Variants in FSIP2 observed in about 807,000 individuals in gnomAD.
The protein encoded by FSIP2 is fibrous sheath-interacting protein 2.
FSIP2 carries 367 observed loss-of-function variants against 510.5 expected under a neutral mutation model. That is an observed-to-expected ratio of 0.72 (90% CI 0.66 to 0.78). FSIP2 has a LOEUF of 0.78. Among genes scored for constraint, FSIP2 ranks in the 30% least tolerant of loss-of-function variants. The pLI is 0.00. For missense variants in FSIP2, 7,594 were observed against 7,901.7 expected, an observed-to-expected ratio of 0.96 and a Z score of 1.48; for synonymous variants, 2,601 against 2,732.2, an observed-to-expected ratio of 0.95 and a Z score of 1.50.
rs942681537 is a variant in FSIP2, at chr2:185,805,449, T to A, written c.16143T>A (p.Ile5381=). The A allele has an allele frequency of 6.2e-7, 1 of 1,611,004 alleles. No homozygotes were observed. Among genetic ancestry groups the A allele is most frequent in the African/African-American group, 1.3e-5 (1 of 74,870 alleles). ...AAAGTAACATTGCTATAGGGATGAT[T>A]GCTGCTCTAACCCAGAAGGCAATAT... The part of the protein sequence containing the change: ...GDESNIAIGM[I]AALTQKAISA... Residue 5381 remains isoleucine (I), a synonymous_variant, in exon 17 of 23, where the codon ATT becomes ATA. Transcript: ENST00000424728.
chr2:185,739,016 G>A, intron 1 of FSIP2, 23 bp downstream of exon 1: 1 of 1,526,488 alleles, frequency 6.6e-7, no homozygotes, highest in Non-Finnish European at 8.7e-7. Flanking sequence ...AAGCTGGGCG[G>A]CGTCGCCCTC....
In FSIP2 at chr2:185,790,738, C is replaced by T. The variant is rs774442832; in HGVS notation, c.3602C>T (p.Ser1201Phe). 5 of 1,532,862 alleles carry T rather than the reference C, an allele frequency of 3.3e-6. No individual in the cohort carries two copies. In the South Asian group the frequency reaches 6.0e-5, roughly 18 times the overall value. 95.0% of individuals were successfully genotyped at this position (1,532,862 alleles called of 1,614,324 possible). A position where few individuals can be genotyped will look rare whatever the true frequency, so the allele number is the denominator to read the frequency against. The stretch of plus-strand genomic sequence containing the variant: ...ATTTCATCATCAGTTCATCAGATTT[C>T]CTTACATAATTCTGACACTGAACAC... ...SSISSSVHQI[S>F]LHNSDTEHIV... The change falls in exon 16 of 23, where the codon TCC becomes TTC. Residue 1201 changes from serine to phenylalanine, a missense_variant. Ser to Phe is a radical substitution (Grantham distance 155). Transcript: ENST00000424728.
At chr2:185,768,226 C>T (rs1355470376) in intron 13 of FSIP2, among the ~76,000 whole-genome samples, 1 of 151,968 alleles carries the variant, frequency 6.6e-6, no homozygotes, top group Non-Finnish European at 1.5e-5. Context: ...AGGTTGCTTT[C>T]TCACTTTATT....
intron 19 of FSIP2, among the ~76,000 whole-genome samples, chr2:185,815,833 G>A (rs1457865824): frequency 6.6e-6 from 1 of 152,028 alleles, no homozygotes; most frequent in Non-Finnish European, 1.5e-5. Context: ...GCTCTCTTAA[G>A]AAAGCTACTG....
At position 185,797,300 on chromosome 2, in the gene FSIP2, A is replaced by C; in HGVS notation, c.10164A>C (p.Lys3388Asn). The C allele has an allele frequency of 1.3e-6, 2 of 1,532,546 alleles. No individual in the cohort carries two copies. The highest frequency in any genetic ancestry group is 1.7e-6 in the Non-Finnish European group (2 of 1,145,684). The allele number at this position is 1,532,546 out of a possible 1,614,324, so 94.9% of individuals were successfully genotyped here. A position where few individuals can be genotyped will look rare whatever the true frequency, so the allele number is the denominator to read the frequency against. ...GTTTGCTTAGAATGCAGGATAAAAA[A>C]ATCAACTATATACCTGAGGAAGAAA... is the stretch of plus-strand genomic sequence containing the variant. ...EKSLLRMQDK[K>N]INYIPEEENE... The change falls in exon 16 of 23, where the codon AAA becomes AAC. Residue 3388 changes from lysine (K) to asparagine (N), a missense_variant. Lys to Asn is a moderately conservative substitution (Grantham distance 94). Coordinates refer to ENST00000424728, the MANE Select transcript of FSIP2 (RefSeq NM_173651.4).
chr2:185,790,479 A>G lies in FSIP2; in HGVS notation c.3343A>G (p.Lys1115Glu). The G allele has an allele frequency of 6.5e-7, 1 of 1,534,178 alleles. No individual in the cohort carries two copies. Among genetic ancestry groups the G allele is most frequent in the Non-Finnish European group, 8.7e-7 (1 of 1,145,582 alleles). Reference protein sequence around the residue: ...ASENIVTSILKEMLKDISSVP... With the variant: ...ASENIVTSILEEMLKDISSVP... ...AGAAAACATAGTCACAAGTATTTTA[A>G]AGGAAATGCTCAAGGACATATCTTC... Residue 1115 changes from lysine (K) to glutamate (E), a missense_variant, in exon 16 of 23, where the codon AAG (lysine) becomes GAG (glutamate). Physicochemically the swap from Lys to Glu is moderately conservative, Grantham distance 56. Coordinates refer to ENST00000424728, the MANE Select transcript of FSIP2 (RefSeq NM_173651.4).
Position 185,799,914 on chromosome 2 carries a change from C to G in FSIP2, c.10608C>G (p.Ser3536Arg), listed in dbSNP as rs1440111275. ...GGGAAATTCAAGAAGCAACATTTAG[C>G]AAGATTATTTCAATTCATTCTCAAG... is the stretch of plus-strand genomic sequence containing the variant. ...KAWEIQEATF[S>R]KIISIHSQVF... Residue 3536 changes from serine (S) to arginine (R), a missense_variant, in exon 17 of 23, where the codon AGC becomes AGG. Transcript: ENST00000424728. 1 of 1,533,810 alleles carries G rather than the reference C, an allele frequency of 6.5e-7. No homozygotes were observed. The highest frequency in any genetic ancestry group is 2.0e-5 in the Admixed American group (1 of 50,846).
rs900365689 is a variant in FSIP2 at position 185,808,931 on chromosome 2, C to G, written c.19625C>G (p.Ala6542Gly). ...IDPKIISEHLAVISIKTQPLE... is the reference protein window; with the variant it reads ...IDPKIISEHLGVISIKTQPLE... ...CCAAAAATTATTTCAGAACACTTAG[C>G]AGTTATTTCTATAAAAACTCAACCT... Residue 6542 changes from alanine (A) to glycine (G), a missense_variant, in exon 17 of 23, where the codon GCA (alanine) becomes GGA (glycine). Coordinates refer to ENST00000424728, the MANE Select transcript of FSIP2 (RefSeq NM_173651.4). 1.2e-6 allele frequency: 2 copies of G among 1,607,308 alleles called. No individual in the cohort carries two copies. The highest frequency in any genetic ancestry group is 8.5e-7 in the Non-Finnish European group (1 of 1,178,110).
chr2:185,738,255 T>A (rs1691826657), upstream of FSIP2: 1 of 269,652 alleles, frequency 3.7e-6, no homozygotes, highest in East Asian at 1.1e-4. Context: ...AAATTTCGGC[T>A]GGATGGTTGA....
chr2:185,739,150 G>A, intron 1 of FSIP2, 157 bp downstream of exon 1: 1 of 1,186,792 alleles, frequency 8.4e-7, no homozygotes, highest in Non-Finnish European at 1.1e-6. Context: ...CGGTGGCTCG[G>A]ACTGTACCGG....
intron 13 of FSIP2, among the ~76,000 whole-genome samples, chr2:185,780,106 T>C (rs1425063066): frequency 6.6e-6 from 1 of 152,042 alleles, no homozygotes; most frequent in Non-Finnish European, 1.5e-5. Flanking sequence ...TTAATTATTT[T>C]ACTTTTTATT....
At chr2:185,780,611 TTA>T (rs1692828500) in intron 13 of FSIP2, among the ~76,000 whole-genome samples, 1 of 151,926 alleles carries the variant, frequency 6.6e-6, no homozygotes, top group South Asian at 2.1e-4. Context: ...ATTTGCTATT[TTA>T]TGTTTGCTAA....
At chr2:185,810,606 A>G (rs991793033) in intron 17 of FSIP2, among the ~76,000 whole-genome samples, 7 of 149,716 alleles carry the variant, frequency 4.7e-5, no homozygotes, top group African/African-American at 1.7e-4. Context: ...GCAGTGGAAG[A>G]ATGTCCTAAC....
At position 185,797,533 on chromosome 2, in the gene FSIP2, AAG is replaced by A; in HGVS notation, c.10390+13_10390+14del. On this transcript the variant is annotated splice_region_variant and intron_variant, in intron 16 of 22. Coordinates refer to ENST00000424728, the MANE Select transcript of FSIP2 (RefSeq NM_173651.4). ...AAGAACTTTGAAACTACAGGTAAGCAAGAGAGAACGTACCTAAAAATTTGCAT... is the reference window on the plus strand; with the variant it reads ...AAGAACTTTGAAACTACAGGTAAGCAAGAGAACGTACCTAAAAATTTGCAT... 2 of 1,487,462 alleles carry A rather than the reference AAG, an allele frequency of 1.3e-6. No individual in the cohort carries two copies. Among genetic ancestry groups the A allele is most frequent in the African/African-American group, 1.4e-5 (1 of 70,326 alleles). 92.1% of individuals were successfully genotyped at this position (1,487,462 alleles called of 1,614,324 possible).
upstream of FSIP2, chr2:185,738,295 A>C (rs889117110): frequency 1.8e-5 from 6 of 333,192 alleles, no homozygotes; most frequent in Non-Finnish European, 3.4e-5. Context: ...ATCAAGCTGC[A>C]GGAGCAGAGA....
intron 13 of FSIP2, chr2:185,765,465 G>T (rs552426674): frequency 6.6e-6 from 1 of 151,682 alleles, no homozygotes; most frequent in African/African-American, 2.4e-5. Flanking sequence ...GATATGCGGC[G>T]TTATTTCTGA....
chr2:185,781,102 TG>T (rs1692840264), intron 13 of FSIP2, among the ~76,000 whole-genome samples: 1 of 137,004 alleles, frequency 7.3e-6, no homozygotes, highest in South Asian at 2.6e-4. Context: ...TGTAGCTCAT[TG>T]GGATCCTAAA....
In FSIP2 at chr2:185,789,916, C is replaced by T; in HGVS notation, c.2780C>T (p.Ala927Val). The T allele has an allele frequency of 1.3e-6, 2 of 1,532,232 alleles. No homozygotes were observed. The highest frequency in any genetic ancestry group is 2.4e-5 in the East Asian group (1 of 40,820). 94.9% of individuals were successfully genotyped at this position (1,532,232 alleles called of 1,614,324 possible). The change falls in exon 16 of 23, where the codon GCA (alanine) becomes GTA (valine). Residue 927 changes from alanine (A) to valine (V), a missense_variant. By Grantham distance (64) the Ala-to-Val change is moderately conservative (BLOSUM62 0). Coordinates refer to ENST00000424728, the MANE Select transcript of FSIP2 (RefSeq NM_173651.4). ...GAACTAAATAATGAGAGAATTATTG[C>T]ATCTGAAGAAACCGTAGTACTCCTT... ...QTELNNERII[A>V]SEETVVLLQL...
Position 185,808,254 on chromosome 2 carries a change from C to T in FSIP2, c.18948C>T (p.Val6316=), listed in dbSNP as rs780643727. ...ATTCAGAATTAGTTCTGGAAGCTGT[C>T]AAAATTATGGAAAAAGTGATCAAAA... ...VSNSELVLEA[V]KIMEKVIKII... The change falls in exon 17 of 23, where the codon GTC becomes GTT. Residue 6316 remains valine (V), a synonymous_variant. Transcript: ENST00000424728. The T allele has an allele frequency of 6.2e-7, 1 of 1,600,702 alleles. No homozygotes were observed. The highest frequency in any genetic ancestry group is 8.5e-7 in the Non-Finnish European group (1 of 1,175,564).
Sources: gnomAD v4.1 joint callset for allele counts (sites outside exome capture counted in the v4.1 genomes callset) on GRCh38, gnomAD v4.1.1 for gene constraint, MANE v1.5 for transcripts, NCBI Gene and HGNC (gene_info 2026-07-23, HGNC 2026-07-21) for gene names.